ANO1: variants seen among roughly 807,000 people sequenced by gnomAD.
The protein encoded by ANO1 is anoctamin-1.
ANO1 carries 59 observed loss-of-function variants against 124.0 expected under a neutral mutation model. The observed-to-expected ratio is 0.48, with a 90% CI of 0.39 to 0.59. The LOEUF is 0.59. Ranked by LOEUF, ANO1 falls within the 20% of genes least tolerant of loss-of-function variation. The probability of loss-of-function intolerance (pLI) is 0.00; values close to 1 mark genes in which losing one functional copy is unlikely to be tolerated. For missense variants in ANO1, 1,059 were observed against 1,328.0 expected (o/e 0.80, Z 3.15); for synonymous variants, 529 against 532.0 (o/e 0.99, Z 0.08).
chr11:70,109,571 G>A (rs552725624), intron 6 of ANO1, among the ~76,000 whole-genome samples: 7 of 152,326 alleles, frequency 4.6e-5, no homozygotes, highest in East Asian at 3.9e-4. Context: ...GGAAGGTGAC[G>A]TTGGGAGTTT....
chr11:70,124,289 T>C (rs2046401030), intron 8 of ANO1, 61 bp from the exon 9 acceptor site: 1 of 1,521,296 alleles, frequency 6.6e-7, no homozygotes, highest in Admixed American at 1.7e-5. Context: ...CAGCTCTGCG[T>C]TCCGGGGAGC....
intron 9 of ANO1, among the ~76,000 whole-genome samples, chr11:70,125,812 C>T (rs1328070811): frequency 4.0e-5 from 6 of 149,938 alleles, no homozygotes; most frequent in Admixed American, 1.3e-4. Flanking sequence ...CCACTGCACT[C>T]CAGCCTGGGC....
chr11:70,131,885 C>A lies in ANO1; in HGVS notation c.1098-34C>A, dbSNP rs766916289. 6 of 1,585,434 alleles carry A rather than the reference C, an allele frequency of 3.8e-6. No individual in the cohort carries two copies. The Admixed American group carries it at 5.1e-5, about 14-fold the overall frequency. On this transcript the variant is annotated intron_variant, in intron 10 of 25. Coordinates refer to ENST00000355303, the MANE Select transcript of ANO1 (RefSeq NM_018043.7). ...CAGGAGGTGCTCCATCATGGCCCAACAAGGTGACTCCAGGGCTGCCCCCTC... is the reference window on the plus strand; with the variant it reads ...CAGGAGGTGCTCCATCATGGCCCAAAAAGGTGACTCCAGGGCTGCCCCCTC...
intron 16 of ANO1, among the ~76,000 whole-genome samples, chr11:70,158,032 A>G (rs2047889088): frequency 6.6e-6 from 1 of 151,948 alleles, no homozygotes; most frequent in African/African-American, 2.4e-5. Flanking sequence ...TGACCAAAAC[A>G]TGACTTGAGC....
intron 1 of ANO1, chr11:70,064,519 C>T (rs1377012026): frequency 1.3e-5 from 2 of 152,266 alleles, no homozygotes; most frequent in African/African-American, 4.8e-5. Context: ...CACGCTGGCC[C>T]CCTCTCTGGC....
intron 1 of ANO1, among the ~76,000 whole-genome samples, chr11:70,001,288 C>A (rs1054536386): frequency 8.5e-5 from 13 of 152,170 alleles, no homozygotes; most frequent in African/African-American, 2.9e-4. Flanking sequence ...GAGGCCTCTA[C>A]TCATGGGTAG....
chr11:70,163,397 T>C (rs893795799), intron 19 of ANO1, 57 bp downstream of exon 19: 2 of 1,584,992 alleles, frequency 1.3e-6, no homozygotes, highest in African/African-American at 1.3e-5. Flanking sequence ...ACGATTTGTC[T>C]ACACCATGCA....
chr11:70,100,280 T>A (rs982080631), intron 2 of ANO1, among the ~76,000 whole-genome samples: 4 of 152,174 alleles, frequency 2.6e-5, no homozygotes, highest in Non-Finnish European at 4.4e-5. Flanking sequence ...TCCTGGAGCC[T>A]GCGAACGTGG....
At chr11:70,182,263 T>C (rs979496340) in intron 23 of ANO1, among the ~76,000 whole-genome samples, 1 of 152,250 alleles carries the variant, frequency 6.6e-6, no homozygotes, top group African/African-American at 2.4e-5. Flanking sequence ...CCTTCTCTCC[T>C]AGAAGTGCAC....
chr11:69,975,251 C>A, the ANO1 span, among the ~76,000 whole-genome samples: 1 of 152,220 alleles, frequency 6.6e-6, no homozygotes, highest in African/African-American at 2.4e-5. Flanking sequence ...GCCTCCCTAC[C>A]CCCTCCCCAC....
At chr11:70,004,830 AGGCCGG>A (rs1856454952) in intron 1 of ANO1, among the ~76,000 whole-genome samples, 1 of 152,068 alleles carries the variant, frequency 6.6e-6, no homozygotes, top group African/African-American at 2.4e-5. Context: ...TTGGTGACAG[AGGCCGG>A]GCGCTGTGGC....
intron 1 of ANO1, among the ~76,000 whole-genome samples, chr11:70,039,360 A>G (rs1857145525): frequency 6.6e-6 from 1 of 152,192 alleles, no homozygotes; most frequent in African/African-American, 2.4e-5. Context: ...TATGGCTCAG[A>G]TGAAGACCAG....
At chr11:70,022,896 T>C (rs1856832778) in intron 1 of ANO1, among the ~76,000 whole-genome samples, 1 of 152,060 alleles carries the variant, frequency 6.6e-6, no homozygotes, top group Non-Finnish European at 1.5e-5. Flanking sequence ...AGGGAGCTTA[T>C]AAGTAAGAGG....
the ANO1 span, among the ~76,000 whole-genome samples, chr11:69,974,134 C>A: frequency 7.2e-5 from 11 of 151,894 alleles, no homozygotes; most frequent in African/African-American, 2.2e-4. Context: ...GCCTGGCCAA[C>A]ATGGTGAAAC....
intron 22 of ANO1, among the ~76,000 whole-genome samples, chr11:70,177,583 C>CTTTTTTTTTCTTTT (rs2048756972): frequency 8.4e-4 from 106 of 126,454 alleles, no homozygotes; most frequent in African/African-American, 2.9e-3. Flanking sequence ...TTTTTCTTTT[C>CTTTTTTTTTCTTTT]TTTTTTTTTT....
chr11:69,970,179 TG>T, the ANO1 span, among the ~76,000 whole-genome samples: 1 of 152,116 alleles, frequency 6.6e-6, no homozygotes, highest in Non-Finnish European at 1.5e-5. Flanking sequence ...GAGGGAAGGC[TG>T]GGGGAAGTTC....
At chr11:70,033,518 C>T (rs1358584825) in intron 1 of ANO1, among the ~76,000 whole-genome samples, 2 of 152,192 alleles carry the variant, frequency 1.3e-5, no homozygotes, top group African/African-American at 4.8e-5. Context: ...TCTGTGTCCC[C>T]TCCAGCCTGA....
upstream of ANO1, among the ~76,000 whole-genome samples, chr11:70,077,558 A>G (rs1159986266): frequency 6.6e-6 from 1 of 152,132 alleles, no homozygotes; most frequent in East Asian, 1.9e-4. Flanking sequence ...CGGGGGTAAG[A>G]GAGATCAAAG....
chr11:70,028,289 C>G (rs1856944223), intron 1 of ANO1, among the ~76,000 whole-genome samples: 1 of 152,192 alleles, frequency 6.6e-6, no homozygotes, highest in Non-Finnish European at 1.5e-5. Flanking sequence ...CCCCGCTCCA[C>G]CAGGCGCCTT....
Sources: gnomAD v4.1 joint callset for allele counts (sites outside exome capture counted in the v4.1 genomes callset) on GRCh38, gnomAD v4.1.1 for gene constraint, MANE v1.5 for transcripts, NCBI Gene and HGNC (gene_info 2026-07-23, HGNC 2026-07-21) for gene names.